Variants in KIAA1328 observed in about 807,000 individuals in gnomAD.
KIAA1328 encodes the protein KIAA1328, also known as protein hinderin.
Under a neutral mutation model 68.1 loss-of-function variants are expected in KIAA1328, and 52 were observed. The ratio of observed to expected loss-of-function variants is 0.76; its 90% confidence interval spans 0.61 to 0.96. The LOEUF (loss-of-function observed/expected upper bound fraction) is 0.96. Among genes scored for constraint, KIAA1328 ranks in the 40% least tolerant of loss-of-function variants. The pLI, the probability that KIAA1328 is intolerant of heterozygous loss-of-function variation, is 0.00. For missense variants in KIAA1328, 641 were observed against 677.6 expected, an observed-to-expected ratio of 0.95 and a Z score of 0.60; for synonymous variants, 232 against 239.4, an observed-to-expected ratio of 0.97 and a Z score of 0.28.
intron 6 of KIAA1328, among the ~76,000 whole-genome samples, chr18:37,000,966 A>G (rs1430857519): frequency 2.0e-5 from 3 of 152,058 alleles, no homozygotes; most frequent in Non-Finnish European, 4.4e-5. Flanking sequence ...AGAATTAACC[A>G]ATGCTCTTGC....
downstream of KIAA1328, chr18:37,225,463 G>A (rs1446933452): frequency 3.4e-6 from 1 of 291,274 alleles, no homozygotes; most frequent in Non-Finnish European, 5.1e-6. Flanking sequence ...AACAGCAGGA[G>A]CCTGTCGTTG....
chr18:36,961,592 A>G (rs1048787827), intron 6 of KIAA1328, among the ~76,000 whole-genome samples: 3 of 152,218 alleles, frequency 2.0e-5, no homozygotes, highest in African/African-American at 7.2e-5. Flanking sequence ...CACAAAGGGA[A>G]GCTCATCAGA....
intron 5 of KIAA1328, among the ~76,000 whole-genome samples, chr18:36,950,357 C>A (rs1232242823): frequency 6.6e-6 from 1 of 152,054 alleles, no homozygotes; most frequent in South Asian, 2.1e-4. Flanking sequence ...TCAAAACCAA[C>A]GTGAAAATTC....
chr18:37,158,016 CT>C (rs902608518), intron 7 of KIAA1328, among the ~76,000 whole-genome samples: 22 of 150,030 alleles, frequency 1.5e-4, no homozygotes, highest in Non-Finnish European at 3.1e-4. Flanking sequence ...GGAGAAATTC[CT>C]TTTTTTTTCT....
At chr18:37,122,606 G>A (rs2058298869) in intron 7 of KIAA1328, among the ~76,000 whole-genome samples, 1 of 152,114 alleles carries the variant, frequency 6.6e-6, no homozygotes, top group Non-Finnish European at 1.5e-5. Flanking sequence ...AGAGAAGGAA[G>A]ATTTTACTAC....
At chr18:36,936,828 CTTATAGTGG>C (rs2050517778) in intron 5 of KIAA1328, among the ~76,000 whole-genome samples, 1 of 152,064 alleles carries the variant, frequency 6.6e-6, no homozygotes. Context: ...GAGATGGTGT[CTTATAGTGG>C]TTTTGATTTG....
At chr18:36,831,023 CATA>C (rs1031252351) in intron 1 of KIAA1328, among the ~76,000 whole-genome samples, 2 of 152,192 alleles carry the variant, frequency 1.3e-5, no homozygotes, top group Admixed American at 6.5e-5. Context: ...TGCTGAAAAG[CATA>C]ATGATAGTTA....
At position 37,158,727 on chromosome 18, in the gene KIAA1328, T is replaced by A. The variant is rs2059211805; in HGVS notation, c.1233-1473T>A. Among the ~76,000 whole-genome samples, 3 of 152,070 alleles carry A rather than the reference T, an allele frequency of 2.0e-5. No individual in the cohort carries two copies. In the South Asian group the frequency reaches 6.2e-4, roughly 32 times the overall value. On this transcript the variant is annotated intron_variant, in intron 7 of 9. Transcript: ENST00000280020. Reference sequence around the variant, plus strand: ...AGGATTACCAAGGTGGAATTTTGAATAAAGGTACAGAAAAGCTTCTGTGAA... The same window carrying A: ...AGGATTACCAAGGTGGAATTTTGAAAAAAGGTACAGAAAAGCTTCTGTGAA...
rs558938873 is a variant in KIAA1328, at chr18:37,002,861, A to G, written c.576+43426A>G. 3.9e-5 allele frequency among the ~76,000 whole-genome samples: 6 copies of G among 152,274 alleles called. 1 individual carries two copies. In the South Asian group the frequency reaches 1.2e-3, roughly 32 times the overall value. On this transcript the variant is annotated intron_variant, in intron 6 of 9. Coordinates refer to ENST00000280020, the MANE Select transcript of KIAA1328 (RefSeq NM_020776.3). Reference sequence around the variant, plus strand: ...AATCCTACAATTCATATGAAAACACAAAAGTGCCCAAATAGCCAAAGCAAT... The same window carrying G: ...AATCCTACAATTCATATGAAAACACGAAAGTGCCCAAATAGCCAAAGCAAT...
At chr18:37,156,163 T>C (rs2059146931) in intron 7 of KIAA1328, among the ~76,000 whole-genome samples, 1 of 151,962 alleles carries the variant, frequency 6.6e-6, no homozygotes, top group Admixed American at 6.6e-5. Flanking sequence ...TCCCAGGACT[T>C]TGGGAGGCCA....
intron 5 of KIAA1328, among the ~76,000 whole-genome samples, chr18:36,896,698 G>A (rs2048877947): frequency 6.6e-6 from 1 of 152,114 alleles, no homozygotes; most frequent in South Asian, 2.1e-4. Flanking sequence ...ACTTTGGAAA[G>A]TTTCAACAGT....
At chr18:37,166,812 TA>T (rs1599486223) in intron 8 of KIAA1328, among the ~76,000 whole-genome samples, 3 of 151,946 alleles carry the variant, frequency 2.0e-5, no homozygotes, top group African/African-American at 7.3e-5. Flanking sequence ...ACCTGGGGTT[TA>T]AAAAAATAAA....
downstream of KIAA1328, among the ~76,000 whole-genome samples, chr18:37,227,960 G>A (rs1383754261): frequency 6.6e-6 from 1 of 152,082 alleles, no homozygotes; most frequent in Non-Finnish European, 1.5e-5. Context: ...GTGATTCATG[G>A]GAGAAGGTCA....
intron 7 of KIAA1328, among the ~76,000 whole-genome samples, chr18:37,086,451 T>C (rs2057106941): frequency 6.6e-6 from 1 of 152,214 alleles, no homozygotes; most frequent in Non-Finnish European, 1.5e-5. Context: ...GCATTTTGTC[T>C]AGTGATTTCA....
intron 9 of KIAA1328, among the ~76,000 whole-genome samples, chr18:37,204,190 T>G (rs2154219663): frequency 6.6e-6 from 1 of 152,014 alleles, no homozygotes; most frequent in Admixed American, 6.6e-5. Context: ...GAAGCAAGAG[T>G]TTTATGACCT....
intron 6 of KIAA1328, among the ~76,000 whole-genome samples, chr18:37,027,821 G>T (rs1217973674): frequency 6.6e-6 from 1 of 152,090 alleles, no homozygotes; most frequent in Non-Finnish European, 1.5e-5. Flanking sequence ...AGGACTTCAT[G>T]TCTAAAACAC....
At chr18:36,832,455 G>A (rs1003021960) in intron 1 of KIAA1328, among the ~76,000 whole-genome samples, 3 of 151,778 alleles carry the variant, frequency 2.0e-5, no homozygotes, top group African/African-American at 4.8e-5. Context: ...CAGGTGTGGC[G>A]GCGGGCACCT....
At chr18:36,867,695 T>C (rs941164790) in intron 4 of KIAA1328, among the ~76,000 whole-genome samples, 1 of 152,160 alleles carries the variant, frequency 6.6e-6, no homozygotes, top group Non-Finnish European at 1.5e-5. Flanking sequence ...GGGTACAATG[T>C]ATGAAAGAAC....
At position 36,981,761 on chromosome 18, in the gene KIAA1328, A is replaced by ATT. The variant is rs71168251; in HGVS notation, c.576+22340_576+22341dup. Among the ~76,000 whole-genome samples, 2,042 of 141,512 alleles carry ATT rather than the reference A, an allele frequency of 0.014. 106 individuals are homozygous for ATT. The East Asian group carries it at 0.18, about 13-fold the overall frequency. 92.8% of individuals were successfully genotyped at this position (141,512 alleles called of 152,430 possible). ...AACACGACACCTGGCTAATTGTTTG[A>ATT]TTTTTTTTTTTTTTTGGTAGAGATT... On this transcript the variant is annotated intron_variant, in intron 6 of 9. Coordinates refer to ENST00000280020, the MANE Select transcript of KIAA1328 (RefSeq NM_020776.3).
Sources: allele counts gnomAD v4.1 joint callset (sites outside exome capture counted in the v4.1 genomes callset), GRCh38; gene constraint gnomAD v4.1.1; transcripts MANE v1.5; gene names NCBI Gene and HGNC (gene_info 2026-07-23, HGNC 2026-07-21).